The following ADAP1 variants were observed in gnomAD, a reference collection of about 807,000 sequenced individuals.
ADAP1 encodes arf-GAP with dual PH domain-containing protein 1.
ADAP1 carries 31 observed loss-of-function variants against 54.9 expected under a neutral mutation model. That is an observed-to-expected ratio of 0.56 (90% CI 0.42 to 0.76). The LOEUF is 0.76. Ranked by LOEUF, ADAP1 falls within the 30% of genes least tolerant of loss-of-function variation. The pLI, the probability that ADAP1 is intolerant of heterozygous loss-of-function variation, is 0.00. For synonymous variants in ADAP1, 313 were observed against 202.6 expected, an observed-to-expected ratio of 1.55 and a Z score of -4.63; for missense variants, 535 against 512.4, an observed-to-expected ratio of 1.04 and a Z score of -0.42.
At chr7:905,308 CGGACGGG>C (rs1358760929) in intron 4 of ADAP1, 136 bp from the exon 5 acceptor site, 2 of 390,206 alleles carry the variant, frequency 5.1e-6, no homozygotes, top group Admixed American at 3.5e-5. Flanking sequence ...CAGGGGGAGA[CGGACGGG>C]GAGAGGGGAC....
At position 920,241 on chromosome 7, in the gene ADAP1, T is replaced by C. The variant is rs926267970; in HGVS notation, c.306-191A>G. Among the ~76,000 whole-genome samples, 1 of 151,946 alleles carries C rather than the reference T, an allele frequency of 6.6e-6. No homozygotes were observed. Among genetic ancestry groups the C allele is most frequent in the Non-Finnish European group, 1.5e-5 (1 of 67,974 alleles). ...CTCCTGCCCGGGACGCTTCTCACTC[T>C]GATATTAGTTTATTGGTTTCTTGTG... On this transcript the variant is annotated intron_variant, in intron 3 of 10. Coordinates refer to ENST00000265846, the MANE Select transcript of ADAP1 (RefSeq NM_006869.4). The surrounding 1 kb of genome is among the most constrained non-coding windows in gnomAD (Gnocchi z 4.5).
At chr7:904,576 C>T (rs1172257344) in intron 5 of ADAP1, among the ~76,000 whole-genome samples, 1 of 152,198 alleles carries the variant, frequency 6.6e-6, no homozygotes, top group Non-Finnish European at 1.5e-5. Context: ...CAGGGGCAGG[C>T]CCCAGCCACC....
rs2128631827 is a variant in ADAP1, at chr7:898,785, C to T, written c.*136G>A. 1 of 1,215,176 alleles carries T rather than the reference C, an allele frequency of 8.2e-7. No individual in the cohort carries two copies. The highest frequency in any genetic ancestry group is 2.1e-5 in the Admixed American group (1 of 48,412). 75.3% of individuals were successfully genotyped at this position (1,215,176 alleles called of 1,614,324 possible). ...GCATCCTGGAAGCTGAAGCTCGGGC[C>T]CTACCTGGCCGCGCCGGGCTGCCCT... On this transcript the variant is annotated 3_prime_UTR_variant, in exon 11 of 11. Coordinates refer to ENST00000265846, the MANE Select transcript of ADAP1 (RefSeq NM_006869.4).
intron 2 of ADAP1, among the ~76,000 whole-genome samples, chr7:930,127 A>AAC (rs1846522730): frequency 7.0e-6 from 1 of 141,952 alleles, no homozygotes; most frequent in Non-Finnish European, 1.5e-5. Context: ...AAAAAAAAAA[A>AAC]CCCTCAGGCA....
intron 4 of ADAP1, among the ~76,000 whole-genome samples, chr7:919,255 G>A (rs1010565469): frequency 6.6e-6 from 1 of 152,192 alleles, no homozygotes; most frequent in African/African-American, 2.4e-5. Context: ...CCCTCACCCG[G>A]GCCTTCAGGT....
At chr7:953,555 C>G (rs901025208) in intron 1 of ADAP1, among the ~76,000 whole-genome samples, 3 of 152,242 alleles carry the variant, frequency 2.0e-5, no homozygotes, top group Non-Finnish European at 4.4e-5. Context: ...TATTGGCCCC[C>G]AGATTCCTGG....
intron 4 of ADAP1, among the ~76,000 whole-genome samples, chr7:914,464 G>T (rs779060944): frequency 2.6e-5 from 4 of 152,190 alleles, no homozygotes; most frequent in Non-Finnish European, 4.4e-5. Flanking sequence ...GCCAACTGGC[G>T]CTGGAGCCCT....
intron 4 of ADAP1, among the ~76,000 whole-genome samples, chr7:915,322 C>T (rs1220177190): frequency 1.3e-5 from 2 of 152,180 alleles, no homozygotes; most frequent in Non-Finnish European, 2.9e-5. Flanking sequence ...CACTGTGCAC[C>T]TCCCCACCAT....
chr7:902,458 C>CA (rs758277562), intron 6 of ADAP1, among the ~76,000 whole-genome samples: 1,355 of 66,450 alleles, frequency 0.02, 295 homozygotes, highest in East Asian at 0.063. Context: ...AACTCTGCCT[C>CA]AAAAAAAAAA....
chr7:929,291 C>CAAA (rs761570809), intron 2 of ADAP1, among the ~76,000 whole-genome samples: 1 of 96,000 alleles, frequency 1.0e-5, no homozygotes, highest in Non-Finnish European at 2.2e-5. Context: ...GACTCCATCT[C>CAAA]AAAAAAAAAA....
intron 4 of ADAP1, among the ~76,000 whole-genome samples, chr7:906,736 AC>A (rs1845444793): frequency 4.0e-5 from 1 of 25,314 alleles, no homozygotes; most frequent in Admixed American, 3.7e-4. Context: ...GACATGGGGG[AC>A]AGAGTACATA....
At chr7:947,856 C>T (rs1019770760) in intron 1 of ADAP1, among the ~76,000 whole-genome samples, 7 of 152,232 alleles carry the variant, frequency 4.6e-5, no homozygotes, top group Admixed American at 2.0e-4. Flanking sequence ...GCCCTCACAG[C>T]GTCCCCCAGC....
At position 938,917 on chromosome 7, in the gene ADAP1, CCCA is replaced by C. The variant is rs1846859050; in HGVS notation, c.83-3415_83-3413del. Among the ~76,000 whole-genome samples the C allele has an allele frequency of 6.6e-6, 1 of 152,200 alleles. No homozygotes were observed. Among genetic ancestry groups the C allele is most frequent in the Admixed American group, 6.5e-5 (1 of 15,284 alleles). ...ACGGCCACCAACAGCTCCCGCCCAG[CCCA>C]GGGTCCAGAATGCCTGTGCCCACCT... On this transcript the variant is annotated intron_variant, in intron 1 of 10. Transcript: ENST00000265846. This position sits in a 1 kb window ranked among gnomAD's most constrained non-coding sequence, Gnocchi z 4.4.
rs772134658 is a variant in ADAP1, at chr7:905,072, G to A, written c.489C>T (p.Phe163=). 6.2e-7 allele frequency: 1 copy of A among 1,611,270 alleles called. No individual in the cohort carries two copies. The highest frequency in any genetic ancestry group is 8.5e-7 in the Non-Finnish European group (1 of 1,179,850). ...LTEREGALKY[F]NRNDAKEPKA... Reference sequence around the variant, plus strand: ...GTCTGTGACTCACATCATTTCTGTTGAAATACTTCAGAGCACCCTCTCGTT... The same window carrying A: ...GTCTGTGACTCACATCATTTCTGTTAAAATACTTCAGAGCACCCTCTCGTT... Residue 163 remains phenylalanine (F), a synonymous_variant, in exon 5 of 11, where the codon TTC becomes TTT. Coordinates refer to ENST00000265846, the MANE Select transcript of ADAP1 (RefSeq NM_006869.4).
chr7:951,306 G>A (rs954648040), intron 1 of ADAP1, among the ~76,000 whole-genome samples: 31 of 151,708 alleles, frequency 2.0e-4, no homozygotes, highest in Non-Finnish European at 3.8e-4. Flanking sequence ...CTGGGAGGGG[G>A]AGCTTGCAGT....
intron 6 of ADAP1, chr7:901,087 G>A (rs11765973): frequency 0.57 from 265,061 of 466,942 alleles, 78,507 homozygotes; most frequent in Admixed American, 0.64. Flanking sequence ...TTGGAGCTGT[G>A]GCCCCTACCG....
rs146597152 is a variant in ADAP1 at position 905,789 on chromosome 7, A to G, written c.389-617T>C. ...AGAAAGGAGAAAGGAGAAAGGAGAA[A>G]GGAGAAAGGAGAAAGGAGAAAGGAG... On this transcript the variant is annotated intron_variant, in intron 4 of 10. Transcript: ENST00000265846. 5.8e-3 allele frequency among the ~76,000 whole-genome samples: 184 copies of G among 31,576 alleles called. 2 individuals carry two copies. The highest frequency in any genetic ancestry group is 0.014 in the African/African-American group (113 of 7,962). The allele number at this position is 31,576 out of a possible 152,430, so 20.7% of individuals were successfully genotyped here.
At chr7:933,584 C>T (rs1347835853) in intron 2 of ADAP1, among the ~76,000 whole-genome samples, 2 of 105,944 alleles carry the variant, frequency 1.9e-5, no homozygotes, top group Non-Finnish European at 3.7e-5. Flanking sequence ...GGTGCAGAGC[C>T]GGGGACCGGG....
rs1298323512 is a variant in ADAP1, at chr7:919,556, CAGAGATAG to C, written c.388+404_388+411del. On this transcript the variant is annotated intron_variant, in intron 4 of 10. Transcript: ENST00000265846. Reference sequence around the variant, plus strand: ...AGGGAAGGAGAGAGAGAGGGAGAGACAGAGATAGAGAGAGGATGAGATAGACGTGAAGA... The same window carrying C: ...AGGGAAGGAGAGAGAGAGGGAGAGACAGAGAGGATGAGATAGACGTGAAGA... Among the ~76,000 whole-genome samples, 7 of 132,472 alleles carry C rather than the reference CAGAGATAG, an allele frequency of 5.3e-5. No homozygotes were observed. The South Asian group carries it at 7.8e-4, about 15-fold the overall frequency. 86.9% of individuals were successfully genotyped at this position (132,472 alleles called of 152,430 possible). A position where few individuals can be genotyped will look rare whatever the true frequency, so the allele number is the denominator to read the frequency against.
Sources: gnomAD v4.1 joint callset for allele counts (sites outside exome capture counted in the v4.1 genomes callset) on GRCh38, gnomAD v4.1.1 for gene constraint, Gnocchi (gnomAD v3.1) non-coding constraint, MANE v1.5 for transcripts, NCBI Gene and HGNC (gene_info 2026-07-23, HGNC 2026-07-21) for gene names.